Variants in LYPLAL1 observed in about 807,000 individuals in gnomAD.
The protein encoded by LYPLAL1 is lysophospholipase-like protein 1.
Under a neutral mutation model 19.7 loss-of-function variants are expected in LYPLAL1, and 23 were observed. That is an observed-to-expected ratio of 1.17 (90% CI 0.84 to 1.65). LYPLAL1 has a LOEUF of 1.65. Among genes scored for constraint, LYPLAL1 ranks in the 40% most tolerant of loss-of-function variants. The probability of loss-of-function intolerance (pLI) is 0.00; values close to 1 mark genes in which losing one functional copy is unlikely to be tolerated. For synonymous variants in LYPLAL1, 119 were observed against 96.3 expected (o/e 1.24, Z -1.38); for missense variants, 355 against 279.4 (o/e 1.27, Z -1.93).
At chr1:219,339,097 C>T in the LYPLAL1 span, among the ~76,000 whole-genome samples, 1 of 151,800 alleles carries the variant, frequency 6.6e-6, no homozygotes, top group Admixed American at 6.6e-5. Flanking sequence ...TAACAAGACC[C>T]TTAGTGAGAC....
chr1:219,218,216 T>C, the LYPLAL1 span, among the ~76,000 whole-genome samples: 3 of 152,094 alleles, frequency 2.0e-5, no homozygotes, highest in African/African-American at 7.2e-5. Context: ...CTGGTTATAA[T>C]TGAGCATGTG....
the LYPLAL1 span, among the ~76,000 whole-genome samples, chr1:219,298,826 G>A: frequency 1.3e-5 from 2 of 152,136 alleles, no homozygotes; most frequent in Non-Finnish European, 1.5e-5. Context: ...TTTTTGAAAT[G>A]CAGGTCTAAG....
At chr1:219,359,862 T>C in the LYPLAL1 span, among the ~76,000 whole-genome samples, 1 of 152,104 alleles carries the variant, frequency 6.6e-6, no homozygotes, top group Non-Finnish European at 1.5e-5. Flanking sequence ...AAAAGACTGG[T>C]TATGAAAAGT....
chr1:219,429,428 C>A, the LYPLAL1 span, among the ~76,000 whole-genome samples: 15 of 152,134 alleles, frequency 9.9e-5, no homozygotes, highest in African/African-American at 3.4e-4. Context: ...GAGGCAGAGG[C>A]AGGAGGATTC....
chr1:219,398,670 C>T, the LYPLAL1 span, among the ~76,000 whole-genome samples: 2 of 152,184 alleles, frequency 1.3e-5, no homozygotes, highest in Non-Finnish European at 1.5e-5. Flanking sequence ...GGTCCTTTCT[C>T]ATCTTTAAGG....
the LYPLAL1 span, among the ~76,000 whole-genome samples, chr1:219,389,050 G>C: frequency 3.9e-5 from 6 of 152,078 alleles, no homozygotes; most frequent in Non-Finnish European, 8.8e-5. Context: ...TATTTAAGTA[G>C]GCCATAAATC....
chr1:219,345,438 T>A, the LYPLAL1 span, among the ~76,000 whole-genome samples: 1 of 152,104 alleles, frequency 6.6e-6, no homozygotes, highest in African/African-American at 2.4e-5. Context: ...TGATGAATAG[T>A]TTTTTGGGGA....
At chr1:219,229,821 C>T in the LYPLAL1 span, among the ~76,000 whole-genome samples, 2 of 152,276 alleles carry the variant, frequency 1.3e-5, no homozygotes, top group East Asian at 1.9e-4. Flanking sequence ...GAACTTTTCC[C>T]CTTTCACTTG....
the LYPLAL1 span, chr1:219,409,554 A>G: frequency 6.6e-6 from 1 of 152,182 alleles, no homozygotes; most frequent in South Asian, 2.1e-4. Context: ...AAAGGAGCGA[A>G]TTTTTGCTGT....
At chr1:219,354,449 G>A in the LYPLAL1 span, among the ~76,000 whole-genome samples, 5 of 152,176 alleles carry the variant, frequency 3.3e-5, no homozygotes, top group African/African-American at 1.2e-4. Flanking sequence ...GCCTACCTCA[G>A]CCTCCCAAAG....
the LYPLAL1 span, among the ~76,000 whole-genome samples, chr1:219,263,633 C>T: frequency 6.6e-6 from 1 of 152,088 alleles, no homozygotes; most frequent in African/African-American, 2.4e-5. Context: ...CTACCTTCTC[C>T]AAGGACCCCT....
the LYPLAL1 span, among the ~76,000 whole-genome samples, chr1:219,232,970 C>T: frequency 2.0e-5 from 3 of 151,590 alleles, no homozygotes; most frequent in African/African-American, 7.3e-5. Context: ...CCATGGAAAA[C>T]AATATTCCAG....
the LYPLAL1 span, among the ~76,000 whole-genome samples, chr1:219,261,905 C>T: frequency 2.2e-4 from 34 of 152,208 alleles, no homozygotes; most frequent in East Asian, 9.7e-4. Flanking sequence ...TTGGCAAGGC[C>T]GGGGAATGTT....
the LYPLAL1 span, among the ~76,000 whole-genome samples, chr1:219,251,129 G>T: frequency 2.0e-5 from 3 of 151,822 alleles, no homozygotes; most frequent in African/African-American, 7.3e-5. Context: ...TTTTAATGGG[G>T]TTGTTTTTCT....
intron 2 of LYPLAL1, among the ~76,000 whole-genome samples, chr1:219,184,340 G>T (rs939814258): frequency 1.3e-5 from 2 of 151,858 alleles, no homozygotes; most frequent in African/African-American, 2.4e-5. Context: ...CTAGTACAGA[G>T]AAATAAATTT....
the LYPLAL1 span, among the ~76,000 whole-genome samples, chr1:219,394,013 A>G: frequency 6.6e-6 from 1 of 151,934 alleles, no homozygotes; most frequent in Non-Finnish European, 1.5e-5. Flanking sequence ...ATTTGTATAT[A>G]TGTATTAATT....
chr1:219,213,706 G>T (rs144680208), downstream of LYPLAL1, among the ~76,000 whole-genome samples: 9 of 152,066 alleles, frequency 5.9e-5, no homozygotes, highest in East Asian at 1.7e-3. Flanking sequence ...CAGTTTCCAA[G>T]TGCCCTTTGC....
chr1:219,287,869 T>C, the LYPLAL1 span, among the ~76,000 whole-genome samples: 1 of 152,080 alleles, frequency 6.6e-6, no homozygotes. Context: ...TGTCTGAAAA[T>C]GTGTAGCACT....
the LYPLAL1 span, among the ~76,000 whole-genome samples, chr1:219,270,244 G>A: frequency 2.0e-5 from 3 of 152,196 alleles, no homozygotes; most frequent in South Asian, 2.1e-4. Context: ...AAATTAGGAC[G>A]CAGGCACACA....
Sources: gnomAD v4.1 joint callset for allele counts (sites outside exome capture counted in the v4.1 genomes callset) on GRCh38, gnomAD v4.1.1 for gene constraint, MANE v1.5 for transcripts, NCBI Gene and HGNC (gene_info 2026-07-23, HGNC 2026-07-21) for gene names.